CAMSAP2: variants seen among roughly 807,000 people sequenced by gnomAD.
CAMSAP2 encodes the protein calmodulin-regulated spectrin-associated protein 2.
Under a neutral mutation model 146.1 loss-of-function variants are expected in CAMSAP2, and 26 were observed. The observed-to-expected ratio is 0.18, with a 90% CI of 0.13 to 0.25. CAMSAP2 has a LOEUF of 0.25. Among genes scored for constraint, CAMSAP2 ranks in the 10% least tolerant of loss-of-function variants. CAMSAP2 has a pLI of 1.00. For missense variants in CAMSAP2, 1,381 were observed against 1,759.3 expected (o/e 0.78, Z 3.85); for synonymous variants, 499 against 596.6 (o/e 0.84, Z 2.38).
Position 200,806,743 on chromosome 1 carries a change from T to TTGTG in CAMSAP2, c.400-613_400-610dup, listed in dbSNP as rs138066870. On this transcript the variant is annotated intron_variant, in intron 2 of 16. Transcript: ENST00000358823. ...TGTTTTTTTTAGAACTTCCATATAA[T>TTGTG]TGTGTGTGTGTGTGTGTGTGTGTAT... 9.2e-3 allele frequency among the ~76,000 whole-genome samples: 1,337 copies of TTGTG among 144,986 alleles called. 9 individuals carry two copies. Among genetic ancestry groups the TTGTG allele is most frequent in the African/African-American group, 0.013 (510 of 38,748 alleles).
intron 4 of CAMSAP2, among the ~76,000 whole-genome samples, chr1:200,819,360 AAAC>A (rs1485813484): frequency 6.6e-6 from 1 of 152,214 alleles, no homozygotes; most frequent in Non-Finnish European, 1.5e-5. Flanking sequence ...AATGCCAGAG[AAAC>A]AACAAATAAT....
chr1:200,817,681 C>T (rs746937473), intron 4 of CAMSAP2, among the ~76,000 whole-genome samples: 3 of 152,174 alleles, frequency 2.0e-5, no homozygotes, highest in African/African-American at 7.2e-5. Flanking sequence ...GAAGGAAAAG[C>T]GAAGCTGTTC....
At chr1:200,787,581 G>T (rs933515345) in intron 2 of CAMSAP2, among the ~76,000 whole-genome samples, 1 of 152,226 alleles carries the variant, frequency 6.6e-6, no homozygotes, top group African/African-American at 2.4e-5. Flanking sequence ...TGGTGGGGAT[G>T]CTGTGAACAT....
At chr1:200,740,970 T>C (rs1035443371) in intron 1 of CAMSAP2, among the ~76,000 whole-genome samples, 1 of 152,224 alleles carries the variant, frequency 6.6e-6, no homozygotes, top group Non-Finnish European at 1.5e-5. Context: ...AAAAGTTCCC[T>C]AGTACTCACA....
chr1:200,801,748 A>G (rs1200417402), intron 2 of CAMSAP2, among the ~76,000 whole-genome samples: 1 of 152,218 alleles, frequency 6.6e-6, no homozygotes, highest in Non-Finnish European at 1.5e-5. Flanking sequence ...CATCTAAATT[A>G]TATTTAGATG....
At chr1:200,810,627 G>A (rs1033935816) in intron 3 of CAMSAP2, among the ~76,000 whole-genome samples, 8 of 150,748 alleles carry the variant, frequency 5.3e-5, no homozygotes, top group Admixed American at 6.6e-5. Flanking sequence ...GGTGACTCAC[G>A]TCTGTAATCC....
At chr1:200,756,111 A>G (rs1024960628) in intron 1 of CAMSAP2, among the ~76,000 whole-genome samples, 9 of 152,278 alleles carry the variant, frequency 5.9e-5, no homozygotes, top group African/African-American at 2.2e-4. Context: ...TGGAATATGG[A>G]GAAACTAAAA....
chr1:200,783,520 T>C (rs1008154566), intron 2 of CAMSAP2, among the ~76,000 whole-genome samples: 7 of 152,210 alleles, frequency 4.6e-5, no homozygotes, highest in Non-Finnish European at 7.3e-5. Context: ...CCTTGCTCTG[T>C]TGTCCAGGCT....
In CAMSAP2 at chr1:200,818,491, C is replaced by G. The variant is rs555400262; in HGVS notation, c.645+2847C>G. On this transcript the variant is annotated intron_variant, in intron 4 of 16. Transcript: ENST00000358823. ...TGATTAGTATACACTTGTAGTTTAG[C>G]ACATACATAGCATTTACCCCTTCAT... 2.6e-5 allele frequency among the ~76,000 whole-genome samples: 4 copies of G among 152,226 alleles called. No individual in the cohort carries two copies. The South Asian group carries it at 8.3e-4, about 32-fold the overall frequency.
At chr1:200,781,643 G>A (rs1305161018) in intron 2 of CAMSAP2, among the ~76,000 whole-genome samples, 3 of 152,058 alleles carry the variant, frequency 2.0e-5, no homozygotes, top group Admixed American at 1.3e-4. Flanking sequence ...CCGGGCTCAG[G>A]TGATCCTCCT....
chr1:200,793,134 G>GACCTGGATTGAA (rs151271423), intron 2 of CAMSAP2, among the ~76,000 whole-genome samples: 26,585 of 152,058 alleles, frequency 0.17, 3,092 homozygotes, highest in East Asian at 0.35. Flanking sequence ...GTAGTGGACA[G>GACCTGGATTGAA]ACCCCAACAA....
At chr1:200,847,842 G>A in intron 10 of CAMSAP2, 133 bp downstream of exon 10, 1 of 898,504 alleles carries the variant, frequency 1.1e-6, no homozygotes, top group Non-Finnish European at 1.7e-6. Flanking sequence ...GGCAGTATAG[G>A]CAGATGATAG....
intron 2 of CAMSAP2, among the ~76,000 whole-genome samples, chr1:200,779,052 G>A (rs1665362198): frequency 6.6e-6 from 1 of 152,124 alleles, no homozygotes; most frequent in African/African-American, 2.4e-5. Flanking sequence ...GTAGAGTTAG[G>A]GCTGGAGGAG....
chr1:200,749,159 G>A (rs1664428768), intron 1 of CAMSAP2, among the ~76,000 whole-genome samples: 1 of 152,226 alleles, frequency 6.6e-6, no homozygotes, highest in South Asian at 2.1e-4. Flanking sequence ...CATTTCATGT[G>A]TCCTGTCTCT....
intron 2 of CAMSAP2, among the ~76,000 whole-genome samples, chr1:200,764,529 A>G (rs982335634): frequency 9.2e-5 from 14 of 152,178 alleles, no homozygotes; most frequent in African/African-American, 3.4e-4. Flanking sequence ...TTTTTATATG[A>G]TTTTACTGTT....
rs1265548305 is a variant in CAMSAP2, at chr1:200,859,691, A to C, written c.*1632A>C. 1 of 152,276 alleles carries C rather than the reference A, an allele frequency of 6.6e-6. No individual in the cohort carries two copies. The highest frequency in any genetic ancestry group is 2.4e-5 in the African/African-American group (1 of 41,468). 9.4% of individuals were successfully genotyped at this position (152,276 alleles called of 1,614,324 possible). On this transcript the variant is annotated 3_prime_UTR_variant, in exon 17 of 17. Coordinates refer to ENST00000358823, the MANE Select transcript of CAMSAP2 (RefSeq NM_203459.4). ...CTGTTTGCATGTAAGAGACCAGGAT[A>C]TGTAACTCTTATATTTTAAGTGTAT...
intron 2 of CAMSAP2, among the ~76,000 whole-genome samples, chr1:200,802,059 T>G (rs1014788694): frequency 4.6e-5 from 7 of 152,204 alleles, no homozygotes; most frequent in African/African-American, 1.7e-4. Context: ...AAACTGGATT[T>G]TATTTTAACT....
intron 3 of CAMSAP2, among the ~76,000 whole-genome samples, chr1:200,810,312 G>A (rs188378384): frequency 1.3e-5 from 2 of 152,304 alleles, no homozygotes; most frequent in Admixed American, 1.3e-4. Flanking sequence ...GGGCGTGGTG[G>A]CTCACACCTG....
intron 1 of CAMSAP2, among the ~76,000 whole-genome samples, chr1:200,748,468 G>C (rs978508805): frequency 1.3e-5 from 2 of 151,614 alleles, no homozygotes; most frequent in Admixed American, 6.6e-5. Flanking sequence ...TTCTAGTTAG[G>C]ATCCATCTAA....
Sources: allele counts gnomAD v4.1 joint callset (sites outside exome capture counted in the v4.1 genomes callset), GRCh38; gene constraint gnomAD v4.1.1; transcripts MANE v1.5; gene names NCBI Gene and HGNC (gene_info 2026-07-23, HGNC 2026-07-21).